Variants in TMEM154 observed in about 807,000 individuals in gnomAD.
TMEM154 encodes the protein transmembrane protein 154.
In TMEM154, 27 loss-of-function variants were observed where a neutral mutation model predicts 24.5. That is an observed-to-expected ratio of 1.10 (90% CI 0.81 to 1.52). The LOEUF (loss-of-function observed/expected upper bound fraction) is 1.52. Ranked by LOEUF, TMEM154 falls within the 40% of genes most tolerant of loss-of-function variation. TMEM154 has a pLI of 0.00. For missense variants in TMEM154, 228 were observed against 213.4 expected (o/e 1.07, Z -0.43); for synonymous variants, 67 against 76.8 (o/e 0.87, Z 0.67).
rs1460983131 is a variant in TMEM154, at chr4:152,652,880, C to A, written c.112G>T (p.Glu38Ter). The A allele has an allele frequency of 1.2e-6, 2 of 1,613,500 alleles. No homozygotes were observed. Among genetic ancestry groups the A allele is most frequent in the Non-Finnish European group, 8.5e-7 (1 of 1,179,812 alleles). ...ENSGDTTVES[E>*]RPNKVTIPST... ...GGAATAGTCACTTTATTTGGTCTTT[C>A]AGATTCCACAGTTGTATCTCCTGAG... Residue 38 changes from glutamate (E) to a stop codon, truncating the protein, a stop_gained, in exon 2 of 7, where the codon GAA becomes TAA. Coordinates refer to ENST00000304385, the MANE Select transcript of TMEM154 (RefSeq NM_152680.3). LOFTEE classifies it high-confidence loss of function.
chr4:152,676,572 A>T (rs4696334), intron 1 of TMEM154, among the ~76,000 whole-genome samples: 143,245 of 152,278 alleles, frequency 0.94, 67,843 homozygotes, highest in East Asian at 1. Context: ...TGAGTTAGTG[A>T]ATGTAGCATT....
At chr4:152,663,364 G>A (rs1728653636) in intron 1 of TMEM154, among the ~76,000 whole-genome samples, 1 of 152,264 alleles carries the variant, frequency 6.6e-6, no homozygotes, top group African/African-American at 2.4e-5. Flanking sequence ...AGCTACAGAA[G>A]ACAGAAATAG....
intron 1 of TMEM154, among the ~76,000 whole-genome samples, chr4:152,659,876 G>C (rs1161092421): frequency 2.6e-5 from 4 of 152,112 alleles, no homozygotes; most frequent in Admixed American, 6.6e-5. Flanking sequence ...TGAATAACTA[G>C]TAATAAAATA....
At chr4:152,642,625 TTTTTAA>T (rs1244225237) in intron 5 of TMEM154, among the ~76,000 whole-genome samples, 1 of 152,196 alleles carries the variant, frequency 6.6e-6, no homozygotes, top group African/African-American at 2.4e-5. Flanking sequence ...CACTCAATAT[TTTTTAA>T]TTTTAATTTT....
chr4:152,679,449 C>T (rs1262238086), intron 1 of TMEM154, among the ~76,000 whole-genome samples: 1 of 151,184 alleles, frequency 6.6e-6, no homozygotes, highest in Non-Finnish European at 1.5e-5. Flanking sequence ...CCAGTTTTTC[C>T]AGGAGATTTT....
intron 1 of TMEM154, among the ~76,000 whole-genome samples, chr4:152,653,813 C>T (rs1728438401): frequency 1.3e-5 from 2 of 151,416 alleles, no homozygotes; most frequent in South Asian, 4.2e-4. Flanking sequence ...CTGAGGTGGG[C>T]AGATCACCTG....
intron 1 of TMEM154, among the ~76,000 whole-genome samples, chr4:152,671,765 A>AAG (rs1252302505): frequency 7.9e-5 from 11 of 138,380 alleles, no homozygotes; most frequent in African/African-American, 2.9e-4. Flanking sequence ...AAAAAAAAAA[A>AAG]AAAGAAAAGA....
At chr4:152,655,393 A>G (rs533233870) in intron 1 of TMEM154, among the ~76,000 whole-genome samples, 1 of 152,302 alleles carries the variant, frequency 6.6e-6, no homozygotes, top group South Asian at 2.1e-4. Flanking sequence ...GCGCCTGTAC[A>G]CTGTGCAATG....
chr4:152,655,392 C>T (rs1006745126), intron 1 of TMEM154, among the ~76,000 whole-genome samples: 5 of 152,226 alleles, frequency 3.3e-5, no homozygotes, highest in African/African-American at 1.2e-4. Context: ...AGCGCCTGTA[C>T]ACTGTGCAAT....
intron 1 of TMEM154, chr4:152,668,717 G>C (rs968726030): frequency 6.6e-6 from 1 of 152,428 alleles, no homozygotes; most frequent in African/African-American, 2.4e-5. Flanking sequence ...CCAGGGGCTT[G>C]GTCGCCACCA....
intron 6 of TMEM154, among the ~76,000 whole-genome samples, chr4:152,632,776 G>A (rs754564894): frequency 1.7e-4 from 26 of 152,174 alleles, no homozygotes; most frequent in Non-Finnish European, 2.6e-4. Context: ...AGAGCCCTGG[G>A]TCAGTTGTCC....
intron 1 of TMEM154, among the ~76,000 whole-genome samples, chr4:152,674,137 A>G (rs1248016218): frequency 6.6e-6 from 1 of 152,144 alleles, no homozygotes; most frequent in Non-Finnish European, 1.5e-5. Flanking sequence ...CCTAAGGCTT[A>G]GGAGAGATAT....
intron 6 of TMEM154, 22 bp from the exon 7 acceptor site, chr4:152,628,583 AAAAAAAAAACAAAAAAAACACAC>A: frequency 1.8e-6 from 2 of 1,116,296 alleles, no homozygotes; most frequent in Non-Finnish European, 2.3e-6. Context: ...AAAAAAAAAA[AAAAAAAAAACAAAAAAAACACAC>A]ACACACACAC....
At chr4:152,631,237 TC>T (rs1401784294) in intron 6 of TMEM154, among the ~76,000 whole-genome samples, 1 of 152,212 alleles carries the variant, frequency 6.6e-6, no homozygotes, top group African/African-American at 2.4e-5. Context: ...ACTATCCTTT[TC>T]CCCACATCCT....
intron 6 of TMEM154, among the ~76,000 whole-genome samples, chr4:152,632,894 C>T (rs1272713052): frequency 6.6e-6 from 1 of 152,074 alleles, no homozygotes; most frequent in African/African-American, 2.4e-5. Flanking sequence ...CATAACATAC[C>T]ATGAGCTTTA....
intron 1 of TMEM154, among the ~76,000 whole-genome samples, chr4:152,677,354 T>G (rs751790042): frequency 1.3e-5 from 2 of 152,226 alleles, no homozygotes; most frequent in Non-Finnish European, 2.9e-5. Context: ...AAAGGCTTAA[T>G]TTGAGATACA....
chr4:152,628,688 G>A lies in TMEM154; in HGVS notation c.537-127C>T, dbSNP rs1751970771. On this transcript the variant is annotated intron_variant, in intron 6 of 6. Coordinates refer to ENST00000304385, the MANE Select transcript of TMEM154 (RefSeq NM_152680.3). Reference sequence around the variant, plus strand: ...GTCTGGCTCCGTCGCCCAGGCTGGAGCGCAGTGGCACAATCTCGGCCCACT... The same window carrying A: ...GTCTGGCTCCGTCGCCCAGGCTGGAACGCAGTGGCACAATCTCGGCCCACT... The A allele has an allele frequency of 9.1e-6, 11 of 1,204,442 alleles. No homozygotes were observed. In the South Asian group the frequency reaches 1.1e-4, roughly 12 times the overall value. 74.6% of individuals were successfully genotyped at this position (1,204,442 alleles called of 1,614,324 possible).
intron 1 of TMEM154, among the ~76,000 whole-genome samples, chr4:152,673,464 C>A (rs1424992572): frequency 6.6e-6 from 1 of 152,092 alleles, no homozygotes. Flanking sequence ...CCATGCCCAG[C>A]TAATTTTTGT....
chr4:152,657,323 G>A (rs1326556387), intron 1 of TMEM154, among the ~76,000 whole-genome samples: 1 of 151,570 alleles, frequency 6.6e-6, no homozygotes, highest in Non-Finnish European at 1.5e-5. Flanking sequence ...AGGCCAGACT[G>A]GGCAACATGG....
Sources: gnomAD v4.1 joint callset for allele counts (sites outside exome capture counted in the v4.1 genomes callset) on GRCh38, gnomAD v4.1.1 for gene constraint, MANE v1.5 for transcripts, NCBI Gene and HGNC (gene_info 2026-07-23, HGNC 2026-07-21) for gene names.